SLC47A2: variants seen among roughly 807,000 people sequenced by gnomAD.
The protein encoded by SLC47A2 is solute carrier family 47 member 2.
SLC47A2 carries 52 observed loss-of-function variants against 67.7 expected under a neutral mutation model. The ratio of observed to expected loss-of-function variants is 0.77; its 90% CI spans 0.61 to 0.97. SLC47A2 has a LOEUF of 0.97. Among genes scored for constraint, SLC47A2 ranks in the 50% least tolerant of loss-of-function variants. The pLI is 0.00. For synonymous variants in SLC47A2, 278 were observed against 292.9 expected (o/e 0.95, Z 0.52); for missense variants, 676 against 712.3 (o/e 0.95, Z 0.58).
intron 10 of SLC47A2, chr17:19,704,697 G>C (rs1319434838): frequency 4.5e-6 from 7 of 1,549,904 alleles, no homozygotes; most frequent in Non-Finnish European, 6.1e-6. Flanking sequence ...CTGTGTCTCT[G>C]TGGGGAGTAG....
intron 13 of SLC47A2, among the ~76,000 whole-genome samples, chr17:19,699,521 T>C (rs1438385873): frequency 6.6e-6 from 1 of 151,830 alleles, no homozygotes; most frequent in Non-Finnish European, 1.5e-5. Context: ...GCGAAGACTA[T>C]AGGTGTGTGC....
chr17:19,716,190 C>A, intron 1 of SLC47A2: 1 of 531,044 alleles, frequency 1.9e-6, no homozygotes, highest in Non-Finnish European at 3.2e-6. Context: ...CTGAGGCACA[C>A]CCACCCCTTC....
Position 19,710,816 on chromosome 17 carries a change from CT to C in SLC47A2, c.486+1886del, listed in dbSNP as rs34676875. Among the ~76,000 whole-genome samples the C allele has an allele frequency of 3.8e-3, 529 of 139,874 alleles. 1 individual carries two copies. Among genetic ancestry groups the C allele is most frequent in the African/African-American group, 8.5e-3 (321 of 37,862 alleles). 91.8% of individuals were successfully genotyped at this position (139,874 alleles called of 152,430 possible). On this transcript the variant is annotated intron_variant, in intron 5 of 16. Coordinates refer to ENST00000433844, the MANE Select transcript of SLC47A2 (RefSeq NM_001099646.3). ...AGGACTTACATACACATTCACAAATCTTTTTTTTTTTTTTTGAGATGGAGTT... is the reference window on the plus strand; with the variant it reads ...AGGACTTACATACACATTCACAAATCTTTTTTTTTTTTTTGAGATGGAGTT...
In SLC47A2 at chr17:19,681,518, G is replaced by A. The variant is rs759592392; in HGVS notation, c.1297+20C>T. On this transcript the variant is annotated intron_variant, in intron 14 of 16. Transcript: ENST00000433844. ...TCCGACGACCACCCAGGCCTCTCCC[G>A]ACTTCCTCACACCACATACCCATGA... 8 of 1,614,104 alleles carry A rather than the reference G, an allele frequency of 5.0e-6. No individual in the cohort carries two copies. Among genetic ancestry groups the A allele is most frequent in the South Asian group, 1.1e-5 (1 of 91,060 alleles).
At chr17:19,711,812 T>C (rs1379595718) in intron 5 of SLC47A2, among the ~76,000 whole-genome samples, 2 of 151,986 alleles carry the variant, frequency 1.3e-5, no homozygotes, top group African/African-American at 4.8e-5. Flanking sequence ...TTGAAAACCA[T>C]CTGTAAGATG....
Position 19,704,092 on chromosome 17 carries a change from GGCCGAGCGCTTGGCCT to G in SLC47A2, c.980_995del (p.Gln327ProfsTer8). On this transcript the variant is annotated frameshift_variant, in exon 11 of 17. Coordinates refer to ENST00000433844, the MANE Select transcript of SLC47A2 (RefSeq NM_001099646.3). LOFTEE classifies it high-confidence loss of function. ...TACCTATGCTGAGCACGCCCGAGAC[GGCCGAGCGCTTGGCCT>G]GCACAGTATCCGCAGCCCCCAGAGC... 6.2e-7 allele frequency: 1 copy of G among 1,610,254 alleles called. No individual in the cohort carries two copies. The highest frequency in any genetic ancestry group is 8.5e-7 in the Non-Finnish European group (1 of 1,179,456).
intron 8 of SLC47A2, 145 bp from the exon 9 acceptor site, chr17:19,706,906 G>T (rs1225700109): frequency 1.6e-6 from 1 of 611,748 alleles, no homozygotes; most frequent in Non-Finnish European, 2.8e-6. Context: ...TTTGCAGAGG[G>T]AATGCAGCTG....
chr17:19,713,988 G>A lies in SLC47A2; in HGVS notation c.295-15C>T, dbSNP rs1449379889. On this transcript the variant is annotated splice_polypyrimidine_tract_variant and intron_variant, in intron 3 of 16. Coordinates refer to ENST00000433844, the MANE Select transcript of SLC47A2 (RefSeq NM_001099646.3). ...CTGCCGAAGCTCTGCAAAACAGCCC[G>A]CCCCGCGTCAGCCGTTTCCACTGCC... 7 of 1,607,318 alleles carry A rather than the reference G, an allele frequency of 4.4e-6. No homozygotes were observed. Among genetic ancestry groups the A allele is most frequent in the Admixed American group, 1.7e-5 (1 of 59,788 alleles).
At chr17:19,707,989 G>T in intron 7 of SLC47A2, 146 bp from the exon 8 acceptor site, 1 of 828,132 alleles carries the variant, frequency 1.2e-6, no homozygotes, top group Non-Finnish European at 1.9e-6. Context: ...CTCAACCAGG[G>T]CCCACAGGCA....
intron 5 of SLC47A2, among the ~76,000 whole-genome samples, chr17:19,711,100 C>T (rs921229926): frequency 6.6e-6 from 1 of 151,988 alleles, no homozygotes; most frequent in African/African-American, 2.4e-5. Context: ...TGAGCCACTG[C>T]GCCCAGCTCA....
At chr17:19,712,669 T>A in intron 5 of SLC47A2, 34 bp downstream of exon 5, 3 of 1,609,006 alleles carry the variant, frequency 1.9e-6, no homozygotes, top group Non-Finnish European at 2.5e-6. Context: ...TTTAGGGGAA[T>A]GTGATTCCAC....
intron 13 of SLC47A2, among the ~76,000 whole-genome samples, chr17:19,686,044 C>G (rs193252501): frequency 1.1e-3 from 163 of 152,210 alleles, no homozygotes; most frequent in African/African-American, 3.8e-3. Flanking sequence ...AAGACCTCAC[C>G]TGAGGTCAGG....
intron 5 of SLC47A2, among the ~76,000 whole-genome samples, chr17:19,711,875 G>C (rs2086110832): frequency 6.6e-6 from 1 of 151,880 alleles, no homozygotes; most frequent in Non-Finnish European, 1.5e-5. Flanking sequence ...ATTTATAATA[G>C]TTCGTATTAT....
chr17:19,705,233 T>G (rs2085898173), intron 10 of SLC47A2: 1 of 493,950 alleles, frequency 2.0e-6, no homozygotes, highest in Non-Finnish European at 3.5e-6. Context: ...GAGTGAAATA[T>G]CACCCTTGGT....
chr17:19,701,052 C>A (rs549538918), intron 13 of SLC47A2, among the ~76,000 whole-genome samples: 38 of 151,242 alleles, frequency 2.5e-4, no homozygotes, highest in African/African-American at 7.1e-4. Context: ...CCTGTAATCC[C>A]AGCTATTCGG....
At chr17:19,716,128 G>C (rs4925045) in intron 1 of SLC47A2, 98,004 of 348,014 alleles carry the variant, frequency 0.28, 14,753 homozygotes, top group Middle Eastern at 0.38. Context: ...GCATCTCTGG[G>C]TCCCATTTGT....
At chr17:19,703,238 G>A in intron 11 of SLC47A2, 71 bp from the exon 12 acceptor site, 4 of 1,453,606 alleles carry the variant, frequency 2.8e-6, no homozygotes, top group Non-Finnish European at 3.9e-6. Flanking sequence ...ATCAGCAAAG[G>A]GCTGGCCCCT....
At chr17:19,705,347 T>C in intron 10 of SLC47A2, 89 bp downstream of exon 10, 1 of 1,385,250 alleles carries the variant, frequency 7.2e-7, no homozygotes, top group Non-Finnish European at 9.9e-7. Flanking sequence ...GAGACAGAGA[T>C]AGCTTCAGGT....
At chr17:19,707,604 G>T in intron 8 of SLC47A2, 142 bp downstream of exon 8, 1 of 661,202 alleles carries the variant, frequency 1.5e-6, no homozygotes, top group Admixed American at 2.9e-5. Context: ...GGAAGCAAAG[G>T]GGAAGGAGGG....
Sources: gnomAD v4.1 joint callset for allele counts (sites outside exome capture counted in the v4.1 genomes callset) on GRCh38, gnomAD v4.1.1 for gene constraint, MANE v1.5 for transcripts, NCBI Gene and HGNC (gene_info 2026-07-23, HGNC 2026-07-21) for gene names.